Variants in FAM53B observed in about 807,000 individuals in gnomAD.
FAM53B encodes the protein protein FAM53B.
In FAM53B, 12 loss-of-function variants were observed where a neutral mutation model predicts 32.7. The ratio of observed to expected loss-of-function variants is 0.37; its 90% CI spans 0.24 to 0.59. The LOEUF (loss-of-function observed/expected upper bound fraction) is 0.59, where lower values mean the gene tolerates loss of function less well. Ranked by LOEUF, FAM53B falls within the 20% of genes least tolerant of loss-of-function variation. The probability of loss-of-function intolerance (pLI) is 0.72; values close to 1 mark genes in which losing one functional copy is unlikely to be tolerated. For missense variants in FAM53B, 477 were observed against 577.7 expected (o/e 0.83, Z 1.79); for synonymous variants, 234 against 228.7 (o/e 1.02, Z -0.21).
chr10:124,648,049 C>A (rs1949530771), intron 4 of FAM53B, among the ~76,000 whole-genome samples: 1 of 152,074 alleles, frequency 6.6e-6, no homozygotes, highest in Non-Finnish European at 1.5e-5. Context: ...TCACCACCCC[C>A]AGACTTCTGC....
At chr10:124,625,762 C>T (rs1189028369) in intron 4 of FAM53B, among the ~76,000 whole-genome samples, 1 of 152,190 alleles carries the variant, frequency 6.6e-6, no homozygotes, top group African/African-American at 2.4e-5. Flanking sequence ...GAGTAGGGGG[C>T]ACAAAACAGG....
chr10:124,641,740 G>A (rs1589734571), intron 4 of FAM53B, among the ~76,000 whole-genome samples: 2 of 152,194 alleles, frequency 1.3e-5, no homozygotes, highest in South Asian at 2.1e-4. Flanking sequence ...GAGAGGAGAG[G>A]AGCCCCTTCT....
At chr10:124,701,634 G>A (rs1589755523) in intron 2 of FAM53B, among the ~76,000 whole-genome samples, 1 of 152,336 alleles carries the variant, frequency 6.6e-6, no homozygotes, top group East Asian at 1.9e-4. Context: ...CTGCCTTCCA[G>A]GGGAGCAGCT....
At chr10:124,629,330 C>G (rs1165526554) in intron 4 of FAM53B, among the ~76,000 whole-genome samples, 1 of 152,222 alleles carries the variant, frequency 6.6e-6, no homozygotes, top group African/African-American at 2.4e-5. Context: ...TTTGGGCAAG[C>G]GAAGACCACT....
chr10:124,689,187 C>A (rs1949818936), intron 3 of FAM53B, among the ~76,000 whole-genome samples: 1 of 152,172 alleles, frequency 6.6e-6, no homozygotes, highest in African/African-American at 2.4e-5. Context: ...AGCTCACCAA[C>A]CCATCAATGG....
chr10:124,656,295 C>G (rs572654764), intron 4 of FAM53B, among the ~76,000 whole-genome samples: 3 of 152,312 alleles, frequency 2.0e-5, no homozygotes, highest in African/African-American at 7.2e-5. Context: ...CCAGGCCCCA[C>G]GATAAGCATG....
At chr10:124,718,342 G>A (rs1950048925) in intron 1 of FAM53B, among the ~76,000 whole-genome samples, 1 of 151,902 alleles carries the variant, frequency 6.6e-6, no homozygotes, top group South Asian at 2.1e-4. Flanking sequence ...CAACCTACAG[G>A]GTCTGTTGTA....
chr10:124,669,010 G>A (rs1949690921), intron 4 of FAM53B, among the ~76,000 whole-genome samples: 2 of 152,208 alleles, frequency 1.3e-5, no homozygotes, highest in Non-Finnish European at 2.9e-5. Flanking sequence ...CGAGAGCGGA[G>A]GCCAGCCAGG....
chr10:124,640,458 C>A (rs374270696), intron 4 of FAM53B, among the ~76,000 whole-genome samples: 1 of 152,328 alleles, frequency 6.6e-6, no homozygotes, highest in East Asian at 1.9e-4. Flanking sequence ...CTAAATCATT[C>A]TTAAATCCAT....
At chr10:124,741,916 ACTGG>A (rs760106908) in intron 1 of FAM53B, among the ~76,000 whole-genome samples, 1 of 152,240 alleles carries the variant, frequency 6.6e-6, no homozygotes, top group Admixed American at 6.5e-5. Context: ...TCCTGAGAAG[ACTGG>A]AACATTCAAG....
chr10:124,727,921 C>T (rs1950117147), intron 1 of FAM53B, among the ~76,000 whole-genome samples: 1 of 152,084 alleles, frequency 6.6e-6, no homozygotes, highest in Admixed American at 6.5e-5. Context: ...TTTATGTTCC[C>T]AAGAAATTTA....
intron 1 of FAM53B, among the ~76,000 whole-genome samples, chr10:124,716,517 T>C (rs1950039085): frequency 6.6e-6 from 1 of 152,172 alleles, no homozygotes; most frequent in Non-Finnish European, 1.5e-5. Flanking sequence ...ATAAAAGTGC[T>C]GGGATCCAAA....
intron 4 of FAM53B, among the ~76,000 whole-genome samples, chr10:124,664,164 T>A (rs1949651411): frequency 6.6e-6 from 1 of 152,018 alleles, no homozygotes; most frequent in African/African-American, 2.4e-5. Context: ...TGAGAAGGGA[T>A]GGAGCTTGCA....
At chr10:124,644,850 C>A (rs1053764795) in intron 4 of FAM53B, among the ~76,000 whole-genome samples, 1 of 152,162 alleles carries the variant, frequency 6.6e-6, no homozygotes, top group African/African-American at 2.4e-5. Flanking sequence ...TGGAAGGGGA[C>A]GGCGCATCAG....
rs937351972 is a variant in FAM53B, at chr10:124,729,413, G to A, written c.-175+14600C>T. ...AGCATGTGGGGAAAAAATTTTCCAC[G>A]TACGACCTCTTAAACACAACTTCCT... On this transcript the variant is annotated intron_variant, in intron 1 of 4. Coordinates refer to ENST00000337318, the MANE Select transcript of FAM53B (RefSeq NM_014661.4). 7.9e-5 allele frequency among the ~76,000 whole-genome samples: 12 copies of A among 152,144 alleles called. 1 individual carries two copies. Among genetic ancestry groups the A allele is most frequent in the African/African-American group, 2.7e-4 (11 of 41,426 alleles).
chr10:124,699,294 G>C (rs1949897190), intron 2 of FAM53B, among the ~76,000 whole-genome samples: 2 of 152,194 alleles, frequency 1.3e-5, no homozygotes, highest in Non-Finnish European at 2.9e-5. Flanking sequence ...TCCCACTCCT[G>C]CAGCCACACA....
chr10:124,627,272 G>A (rs1949361690), intron 4 of FAM53B, among the ~76,000 whole-genome samples: 1 of 152,168 alleles, frequency 6.6e-6, no homozygotes, highest in Non-Finnish European at 1.5e-5. Context: ...CCCAGGCCCT[G>A]CAGCTGCCCT....
At chr10:124,635,714 G>A (rs543579555) in intron 4 of FAM53B, among the ~76,000 whole-genome samples, 3 of 152,162 alleles carry the variant, frequency 2.0e-5, no homozygotes, top group Non-Finnish European at 2.9e-5. Context: ...TGCAGAAGAC[G>A]GATCTCCCAT....
At chr10:124,657,177 CATAT>C (rs368205103) in intron 4 of FAM53B, among the ~76,000 whole-genome samples, 4 of 75,036 alleles carry the variant, frequency 5.3e-5, no homozygotes, top group East Asian at 3.5e-4. Flanking sequence ...TATATATGTA[CATAT>C]ATATATATAT....
Sources: allele counts gnomAD v4.1 joint callset (sites outside exome capture counted in the v4.1 genomes callset), GRCh38; gene constraint gnomAD v4.1.1; transcripts MANE v1.5; gene names NCBI Gene and HGNC (gene_info 2026-07-23, HGNC 2026-07-21).